The following TAOK3 variants were observed in gnomAD, a reference collection of about 807,000 sequenced individuals.
TAOK3 encodes TAO kinase 3, also known as serine/threonine-protein kinase TAO3.
In TAOK3, 40 loss-of-function variants were observed where a neutral mutation model predicts 120.4. The observed-to-expected ratio is 0.33, with a 90% CI of 0.26 to 0.43. The LOEUF (loss-of-function observed/expected upper bound fraction) is 0.43, where lower values mean the gene tolerates loss of function less well. Ranked by LOEUF, TAOK3 falls within the 20% of genes least tolerant of loss-of-function variation. TAOK3 has a pLI of 1.00. For synonymous variants in TAOK3, 355 were observed against 387.5 expected, an observed-to-expected ratio of 0.92 and a Z score of 0.99; for missense variants, 821 against 1,112.1, an observed-to-expected ratio of 0.74 and a Z score of 3.72.
chr12:118,235,784 A>T, intron 7 of TAOK3, 113 bp from the exon 8 acceptor site: 1 of 680,628 alleles, frequency 1.5e-6, no homozygotes. Flanking sequence ...AAACAAACAA[A>T]CAAAACAAAC....
At chr12:118,308,823 G>T (rs1042091426) in intron 1 of TAOK3, among the ~76,000 whole-genome samples, 2 of 151,000 alleles carry the variant, frequency 1.3e-5, no homozygotes, top group African/African-American at 4.9e-5. Context: ...CCAGCTACTT[G>T]GGAGGCTGAG....
intron 17 of TAOK3, among the ~76,000 whole-genome samples, chr12:118,165,639 T>A (rs2035532406): frequency 6.6e-6 from 1 of 152,206 alleles, no homozygotes; most frequent in African/African-American, 2.4e-5. Context: ...CCTCTATAAG[T>A]CTTATGTATG....
At chr12:118,351,098 G>T (rs2045130748) in intron 1 of TAOK3, among the ~76,000 whole-genome samples, 1 of 152,144 alleles carries the variant, frequency 6.6e-6, no homozygotes, top group Admixed American at 6.6e-5. Context: ...AGAATCACTT[G>T]AACCCGGGAA....
chr12:118,353,303 T>C (rs1370983369), intron 1 of TAOK3, among the ~76,000 whole-genome samples: 1 of 152,034 alleles, frequency 6.6e-6, no homozygotes, highest in Non-Finnish European at 1.5e-5. Context: ...CTTGAAGGAA[T>C]GGTAAAATCT....
intron 1 of TAOK3, among the ~76,000 whole-genome samples, chr12:118,308,452 T>C (rs1369373147): frequency 6.6e-6 from 1 of 152,162 alleles, no homozygotes; most frequent in African/African-American, 2.4e-5. Context: ...TACTTTCACA[T>C]ACCTAACCAA....
intron 1 of TAOK3, among the ~76,000 whole-genome samples, chr12:118,305,587 A>G (rs1165109737): frequency 6.6e-6 from 1 of 152,224 alleles, no homozygotes; most frequent in African/African-American, 2.4e-5. Flanking sequence ...TTTAACTGTT[A>G]ATTTTTTACT....
chr12:118,232,071 T>C (rs1297408777), intron 9 of TAOK3, among the ~76,000 whole-genome samples: 2 of 152,238 alleles, frequency 1.3e-5, no homozygotes, highest in African/African-American at 4.8e-5. Context: ...GAAGGCCCAT[T>C]GTGCACATCT....
At chr12:118,355,009 G>T (rs988628684) in intron 1 of TAOK3, among the ~76,000 whole-genome samples, 1 of 151,948 alleles carries the variant, frequency 6.6e-6, no homozygotes, top group Non-Finnish European at 1.5e-5. Context: ...AGGCTGTGGT[G>T]AGCTATGATC....
chr12:118,217,754 G>A (rs1302588396), intron 9 of TAOK3, among the ~76,000 whole-genome samples: 1 of 131,738 alleles, frequency 7.6e-6, no homozygotes, highest in East Asian at 2.4e-4. Flanking sequence ...TTAATTTTAT[G>A]TATATATATG....
At chr12:118,277,171 G>T (rs2073044846) in intron 1 of TAOK3, among the ~76,000 whole-genome samples, 1 of 152,114 alleles carries the variant, frequency 6.6e-6, no homozygotes, top group African/African-American at 2.4e-5. Context: ...ATTCTACTGT[G>T]TTTCTTATTA....
At chr12:118,214,808 C>T (rs540998961) in intron 9 of TAOK3, among the ~76,000 whole-genome samples, 10 of 148,964 alleles carry the variant, frequency 6.7e-5, no homozygotes, top group South Asian at 2.1e-4. Flanking sequence ...TGCAATGGAA[C>T]GATCCCAGCT....
chr12:118,314,195 T>G (rs889405616), intron 1 of TAOK3, among the ~76,000 whole-genome samples: 9 of 152,214 alleles, frequency 5.9e-5, no homozygotes, highest in Non-Finnish European at 1.0e-4. Context: ...TCCCAAAAGT[T>G]CACTTCTAAG....
intron 1 of TAOK3, among the ~76,000 whole-genome samples, chr12:118,334,131 C>T (rs2044263618): frequency 8.2e-6 from 1 of 121,308 alleles, no homozygotes; most frequent in African/African-American, 3.2e-5. Flanking sequence ...GCAAAACTCC[C>T]ATCTCCAAAA....
chr12:118,272,382 C>A (rs932198380), intron 1 of TAOK3, among the ~76,000 whole-genome samples: 2 of 151,476 alleles, frequency 1.3e-5, no homozygotes, highest in African/African-American at 4.9e-5. Context: ...TTCCCTTTCC[C>A]AGAAACTTCA....
chr12:118,207,330 A>C (rs77548251), intron 11 of TAOK3, among the ~76,000 whole-genome samples: 8 of 132,426 alleles, frequency 6.0e-5, no homozygotes, highest in African/African-American at 2.3e-4. Flanking sequence ...CCGTCTCAGG[A>C]AAAAAAAAAA....
intron 5 of TAOK3, among the ~76,000 whole-genome samples, chr12:118,239,522 T>C (rs113544856): frequency 1.3e-5 from 2 of 152,216 alleles, no homozygotes; most frequent in African/African-American, 4.8e-5. Flanking sequence ...ATATTCACTA[T>C]AAATGGTGAA....
intron 17 of TAOK3, among the ~76,000 whole-genome samples, chr12:118,164,512 G>A (rs1046902371): frequency 7.9e-5 from 12 of 151,846 alleles, no homozygotes; most frequent in African/African-American, 2.9e-4. Flanking sequence ...CCGCCTCCAG[G>A]GTTCAAGCAA....
chr12:118,309,338 A>AT, intron 1 of TAOK3, among the ~76,000 whole-genome samples: 1 of 151,984 alleles, frequency 6.6e-6, no homozygotes, highest in Admixed American at 6.6e-5. Context: ...AAAAAAAAAA[A>AT]AAAAAAAAGC....
intron 6 of TAOK3, among the ~76,000 whole-genome samples, chr12:118,238,563 C>A (rs1220673439): frequency 1.3e-5 from 2 of 152,086 alleles, no homozygotes; most frequent in African/African-American, 4.8e-5. Flanking sequence ...ATTACCCCTT[C>A]AAACTACAGG....
Sources: allele counts gnomAD v4.1 joint callset (sites outside exome capture counted in the v4.1 genomes callset), GRCh38; gene constraint gnomAD v4.1.1; transcripts MANE v1.5; gene names NCBI Gene and HGNC (gene_info 2026-07-23, HGNC 2026-07-21).